The following ACADVL variants were observed in gnomAD, a reference collection of about 807,000 sequenced individuals.
The protein encoded by ACADVL is very long-chain acyl-CoA dehydrogenase, mitochondrial.
A neutral mutation model predicts 80.4 loss-of-function variants in ACADVL; 73 were observed. The ratio of observed to expected loss-of-function variants is 0.91; its 90% CI spans 0.75 to 1.10. The LOEUF (loss-of-function observed/expected upper bound fraction) is 1.10. Ranked by LOEUF, ACADVL falls within the 50% of genes least tolerant of loss-of-function variation. The pLI is 0.00. For missense variants in ACADVL, 878 were observed against 858.9 expected (o/e 1.02, Z -0.28); for synonymous variants, 392 against 326.5 (o/e 1.20, Z -2.16).
chr17:7,221,448 G>A, intron 6 of ACADVL, 90 bp from the exon 7 acceptor site: 1 of 256,544 alleles, frequency 3.9e-6, no homozygotes, highest in South Asian at 8.4e-5. Flanking sequence ...ACTGCCCTAG[G>A]TCAGGAACTG....
In ACADVL at chr17:7,222,282, G is replaced by A. The variant is rs531514327; in HGVS notation, c.858G>A (p.Arg286=). 8 of 1,614,066 alleles carry A rather than the reference G, an allele frequency of 5.0e-6. No homozygotes were observed. The African/African-American group carries it at 8.0e-5, about 16-fold the overall frequency. Residue 286 remains arginine (R), a synonymous_variant, in exon 9 of 20, where the codon AGG becomes AGA. Transcript: ENST00000356839. ...AGATCACAGCTTTTGTGGTGGAGAGGGGCTTCGGGGGCATTACCCAGTGAG... is the reference window on the plus strand; with the variant it reads ...AGATCACAGCTTTTGTGGTGGAGAGAGGCTTCGGGGGCATTACCCAGTGAG... ...KEKITAFVVE[R]GFGGITHGPP...
At chr17:7,219,182 G>C (rs1331244059), upstream of ACADVL, 1 of 377,888 alleles carries the variant, frequency 2.6e-6, no homozygotes, top group East Asian at 5.4e-5. Context: ...GCAGAAAAAG[G>C]GGTAGAAATT....
At chr17:7,223,532 G>A in intron 11 of ACADVL, 112 bp from the exon 12 acceptor site, 3 of 1,182,400 alleles carry the variant, frequency 2.5e-6, no homozygotes, top group Non-Finnish European at 2.5e-6. Flanking sequence ...ACAAGTATCT[G>A]CCTGACCTGA....
At chr17:7,219,740 G>C, upstream of ACADVL, 6 of 1,447,138 alleles carry the variant, frequency 4.1e-6, no homozygotes, top group East Asian at 1.0e-4. Context: ...CTAGACTCTA[G>C]GTCGGACGGG....
rs764107209 is a variant in ACADVL at position 7,222,287 on chromosome 17, T to G, written c.863T>G (p.Phe288Cys). ...KITAFVVERG[F>C]GGITHGPPEK... ...ACAGCTTTTGTGGTGGAGAGGGGCT[T>G]CGGGGGCATTACCCAGTGAGTGAAT... is the stretch of plus-strand genomic sequence containing the variant. Residue 288 changes from phenylalanine to cysteine, a missense_variant, in exon 9 of 20, where the codon TTC becomes TGC. Transcript: ENST00000356839. 3.7e-6 allele frequency: 6 copies of G among 1,613,940 alleles called. No individual in the cohort carries two copies. In the East Asian group the frequency reaches 1.3e-4, roughly 36 times the overall value.
chr17:7,218,974 C>T, upstream of ACADVL: 1 of 1,039,720 alleles, frequency 9.6e-7, no homozygotes, highest in Non-Finnish European at 1.5e-6. Context: ...CCCATTCCCC[C>T]AGGTCCCAAG....
In ACADVL at chr17:7,223,182, T is replaced by C. The variant is rs758928307; in HGVS notation, c.1127T>C (p.Phe376Ser). The C allele has an allele frequency of 2.5e-6, 4 of 1,614,002 alleles. No homozygotes were observed. Among genetic ancestry groups the C allele is most frequent in the Admixed American group, 3.3e-5 (2 of 60,010 alleles). The part of the protein sequence containing the change: ...RTQFGEKIHN[F>S]GLIQEKLARM... ...CAGTTTGGGGAGAAAATTCACAACTTTGGGCTGATCCAGGAGAAGCTGGCA... is the reference window on the plus strand; with the variant it reads ...CAGTTTGGGGAGAAAATTCACAACTCTGGGCTGATCCAGGAGAAGCTGGCA... Residue 376 changes from phenylalanine to serine, a missense_variant, in exon 11 of 20, where the codon TTT (phenylalanine) becomes TCT (serine). Coordinates refer to ENST00000356839, the MANE Select transcript of ACADVL (RefSeq NM_000018.4).
chr17:7,221,236 C>T, intron 6 of ACADVL, 178 bp downstream of exon 6: 1 of 1,148,496 alleles, frequency 8.7e-7, no homozygotes, highest in East Asian at 2.6e-5. Flanking sequence ...TCCCCTAGGC[C>T]TGAGCCATGG....
chr17:7,219,285 ATCCATC>A (rs1254098397), upstream of ACADVL: 1 of 604,014 alleles, frequency 1.7e-6, no homozygotes, highest in Non-Finnish European at 2.2e-6. Flanking sequence ...CCCGGGAGGA[ATCCATC>A]TGCCTGGGCA....
chr17:7,218,433 T>C (rs540887087), upstream of ACADVL: 467 of 1,384,542 alleles, frequency 3.4e-4, 4 homozygotes, highest in South Asian at 2.8e-3. Context: ...GGCAGGACCC[T>C]GCATGGTGCT....
rs1365907825 is a variant in ACADVL at position 7,222,226 on chromosome 17, A to G, written c.802A>G (p.Thr268Ala). ...CACGGTCTTTGCCAAGACACCAGTT[A>G]CAGATCCAGCCACAGGAGCCGTGAA... The part of the protein sequence containing the change: ...IFTVFAKTPV[T>A]DPATGAVKEK... Residue 268 changes from threonine to alanine, a missense_variant, in exon 9 of 20, where the codon ACA (threonine) becomes GCA (alanine). Physicochemically the swap from Thr to Ala is moderately conservative, Grantham distance 58. Transcript: ENST00000356839. 4 of 1,614,058 alleles carry G rather than the reference A, an allele frequency of 2.5e-6. No homozygotes were observed. Among genetic ancestry groups the G allele is most frequent in the Non-Finnish European group, 3.4e-6 (4 of 1,180,016 alleles).
In ACADVL at chr17:7,224,011, G is replaced by C. The variant is rs751995154; in HGVS notation, c.1376G>C (p.Arg459Pro). 6.2e-7 allele frequency: 1 copy of C among 1,614,006 alleles called. No homozygotes were observed. The highest frequency in any genetic ancestry group is 1.7e-5 in the Admixed American group (1 of 60,012). Residue 459 changes from arginine (R) to proline (P), a missense_variant, in exon 14 of 20, where the codon CGG (arginine) becomes CCG (proline). Coordinates refer to ENST00000356839, the MANE Select transcript of ACADVL (RefSeq NM_000018.4). ...GTGCTCCGAGATCTTCGCATCTTCC[G>C]GATCTTTGAGGGGACAAATGACATT... ...ERVLRDLRIF[R>P]IFEGTNDILR... is the part of the protein sequence containing the mutation.
In ACADVL at chr17:7,220,773, C is replaced by G. The variant is rs769723013; in HGVS notation, c.285C>G (p.Asn95Lys). The G allele has an allele frequency of 4.3e-6, 7 of 1,614,110 alleles. No individual in the cohort carries two copies. The South Asian group carries it at 7.7e-5, about 18-fold the overall frequency. Residue 95 changes from asparagine to lysine, a missense_variant, in exon 5 of 20, where the codon AAC (asparagine) becomes AAG (lysine). Transcript: ENST00000356839. Reference sequence around the variant, plus strand: ...GTCCCCCACCCTCTGCAGTGCTCAACGAAGAGCAGACACAGTTTCTTAAAG... The same window carrying G: ...GTCCCCCACCCTCTGCAGTGCTCAAGGAAGAGCAGACACAGTTTCTTAAAG... ...DQVFPYPSVL[N>K]EEQTQFLKEL...
chr17:7,220,389 C>T (rs1425353814), intron 2 of ACADVL, 75 bp from the exon 3 acceptor site: 16 of 1,601,360 alleles, frequency 1.0e-5, no homozygotes, highest in African/African-American at 1.3e-5. Flanking sequence ...CGCCTCCCCG[C>T]GCGGCTCTCG....
Position 7,222,058 on chromosome 17 carries a change from C to A in ACADVL, c.729C>A (p.Leu243=). The change falls in exon 8 of 20, where the codon CTC becomes CTA. Residue 243 remains leucine (L), a synonymous_variant. Coordinates refer to ENST00000356839, the MANE Select transcript of ACADVL (RefSeq NM_000018.4). ...GCCCCTGTGGAAAATACTATACCCT[C>A]AATGGAAGCAAGCTTTGGATCAGGC... ...VPSPCGKYYT[L]NGSKLWISNG... 1 of 1,614,132 alleles carries A rather than the reference C, an allele frequency of 6.2e-7. No homozygotes were observed. The highest frequency in any genetic ancestry group is 8.5e-7 in the Non-Finnish European group (1 of 1,180,002).
upstream of ACADVL, chr17:7,218,289 A>C (rs756630555): frequency 1.2e-6 from 2 of 1,607,972 alleles, no homozygotes; most frequent in East Asian, 4.5e-5. Context: ...TGTCTGTCAC[A>C]GGAACAGAAC....
chr17:7,220,229 G>A, intron 2 of ACADVL, 32 bp downstream of exon 2: 2 of 1,522,290 alleles, frequency 1.3e-6, no homozygotes, highest in Non-Finnish European at 1.8e-6. Context: ...AAGGGGGTGT[G>A]GGAGCGGCGG....
In ACADVL at chr17:7,222,866, G is replaced by T. The variant is rs140989450; in HGVS notation, c.1077+1G>T. On this transcript the variant is annotated splice_donor_variant, in intron 10 of 19. Coordinates refer to ENST00000356839, the MANE Select transcript of ACADVL (RefSeq NM_000018.4). LOFTEE classifies it high-confidence loss of function. Reference sequence around the variant, plus strand: ...CATGAGAGGCATCATTGCTAAGGCGGTGAGTACCCTGCCCGAGTCCCTAGG... The same window carrying T: ...CATGAGAGGCATCATTGCTAAGGCGTTGAGTACCCTGCCCGAGTCCCTAGG... 18 of 1,610,990 alleles carry T rather than the reference G, an allele frequency of 1.1e-5. No homozygotes were observed. The highest frequency in any genetic ancestry group is 1.4e-5 in the Non-Finnish European group (17 of 1,179,972).
At chr17:7,224,613 C>CCCCCACCCCCA (rs2071390876) in intron 17 of ACADVL, 29 bp from the exon 18 acceptor site, 5 of 1,045,092 alleles carry the variant, frequency 4.8e-6, no homozygotes, top group Non-Finnish European at 6.6e-6. Flanking sequence ...AATGCCCCCA[C>CCCCCACCCCCA]CCCCACCCCC....
Sources: gnomAD v4.1 joint callset for allele counts on GRCh38, gnomAD v4.1.1 for gene constraint, MANE v1.5 for transcripts, NCBI Gene and HGNC (gene_info 2026-07-23, HGNC 2026-07-21) for gene names.